The following APP variants were observed in gnomAD, a reference collection of about 807,000 sequenced individuals.
APP encodes amyloid beta precursor protein.
A neutral mutation model predicts 101.4 loss-of-function variants in APP; 31 were observed. The observed-to-expected ratio is 0.31, with a 90% CI of 0.23 to 0.41. The LOEUF is 0.41. Among genes scored for constraint, APP ranks in the 10% least tolerant of loss-of-function variants. APP has a pLI of 1.00. For missense variants in APP, 839 were observed against 1,003.7 expected, an observed-to-expected ratio of 0.84 and a Z score of 2.22; for synonymous variants, 366 against 364.4, an observed-to-expected ratio of 1.00 and a Z score of -0.05.
At chr21:26,151,092 T>C (rs573424087) in intron 1 of APP, among the ~76,000 whole-genome samples, 18 of 152,318 alleles carry the variant, frequency 1.2e-4, no homozygotes, top group African/African-American at 4.1e-4. Flanking sequence ...TTTGTTAAAT[T>C]TGAAGATAAA....
chr21:25,959,123 T>C (rs2041464125), intron 11 of APP, among the ~76,000 whole-genome samples: 1 of 152,182 alleles, frequency 6.6e-6, no homozygotes, highest in Non-Finnish European at 1.5e-5. Flanking sequence ...TTAAGATAGT[T>C]CTACAAAGCA....
chr21:26,154,702 G>A (rs576669115), intron 1 of APP, among the ~76,000 whole-genome samples: 2 of 152,272 alleles, frequency 1.3e-5, no homozygotes, highest in African/African-American at 4.8e-5. Context: ...TAGAGAACAG[G>A]GACTGGGCTC....
rs544628232 is a variant in APP, at chr21:25,900,266, C to A, written c.1964-2593G>T. Among the ~76,000 whole-genome samples, 12 of 150,922 alleles carry A rather than the reference C, an allele frequency of 8.0e-5. No individual in the cohort carries two copies. The South Asian group carries it at 2.5e-3, about 32-fold the overall frequency. ...TCTGGCAACGTGCCAAGCACGGTGG[C>A]TCACGCCTGTAATCCCAGCACTTTG... On this transcript the variant is annotated intron_variant, in intron 15 of 17. Transcript: ENST00000346798.
At chr21:26,099,073 G>T (rs1437007084) in intron 2 of APP, among the ~76,000 whole-genome samples, 1 of 151,598 alleles carries the variant, frequency 6.6e-6, no homozygotes, top group African/African-American at 2.4e-5. Flanking sequence ...ACATATGCTT[G>T]TAATTTTGCA....
At chr21:26,021,404 C>T (rs1010230519) in intron 6 of APP, among the ~76,000 whole-genome samples, 9 of 152,036 alleles carry the variant, frequency 5.9e-5, no homozygotes, top group African/African-American at 1.2e-4. Flanking sequence ...TAAGATTTAT[C>T]GAAACTACAA....
At chr21:25,987,342 A>G (rs2146621506) in intron 8 of APP, among the ~76,000 whole-genome samples, 1 of 152,250 alleles carries the variant, frequency 6.6e-6, no homozygotes, top group African/African-American at 2.4e-5. Flanking sequence ...AAAAACCTAG[A>G]CTTAAAACGA....
At chr21:26,017,365 C>T (rs574549774) in intron 6 of APP, among the ~76,000 whole-genome samples, 1 of 137,226 alleles carries the variant, frequency 7.3e-6, no homozygotes, top group Non-Finnish European at 1.5e-5. Context: ...GGTTTGAACT[C>T]AGGAGTTTGA....
At chr21:26,109,315 G>A (rs1256383100) in intron 2 of APP, among the ~76,000 whole-genome samples, 1 of 152,210 alleles carries the variant, frequency 6.6e-6, no homozygotes, top group Non-Finnish European at 1.5e-5. Flanking sequence ...GGATCATGGG[G>A]GTGGTTTCAA....
At chr21:26,136,312 C>A (rs754185094) in intron 1 of APP, among the ~76,000 whole-genome samples, 1 of 151,994 alleles carries the variant, frequency 6.6e-6, no homozygotes, top group South Asian at 2.1e-4. Context: ...GGCACGCACA[C>A]GATGGACAAT....
intron 1 of APP, among the ~76,000 whole-genome samples, chr21:26,145,092 T>A (rs1012383291): frequency 6.6e-5 from 10 of 152,078 alleles, no homozygotes; most frequent in African/African-American, 2.4e-4. Flanking sequence ...ATTAGAGATG[T>A]TTTACGTGGA....
intron 2 of APP, among the ~76,000 whole-genome samples, chr21:26,105,036 A>C (rs1194258893): frequency 1.3e-5 from 2 of 150,024 alleles, no homozygotes; most frequent in Non-Finnish European, 3.0e-5. Flanking sequence ...TAGCTCTGTC[A>C]ATGGTAACTA....
intron 1 of APP, among the ~76,000 whole-genome samples, chr21:26,129,332 G>C (rs1040145668): frequency 6.6e-6 from 1 of 152,006 alleles, no homozygotes; most frequent in Admixed American, 6.6e-5. Flanking sequence ...TTAGCCATGC[G>C]TGGTGGCAGC....
rs190820874 is a variant in APP at position 26,087,620 on chromosome 21, T to G, written c.355+2323A>C. 2.0e-5 allele frequency among the ~76,000 whole-genome samples: 3 copies of G among 152,336 alleles called. No homozygotes were observed. The East Asian group carries it at 5.8e-4, about 29-fold the overall frequency. On this transcript the variant is annotated intron_variant, in intron 3 of 17. Transcript: ENST00000346798. ...AACTCCTTCCCTGAGAAAGAATTAT[T>G]TTATAGGCTTCTCTCCATTTCTCCT...
chr21:25,948,815 A>G (rs1246736004), intron 13 of APP, among the ~76,000 whole-genome samples: 1 of 151,828 alleles, frequency 6.6e-6, no homozygotes, highest in African/African-American at 2.4e-5. Context: ...AAGGACAAAG[A>G]AAACACCAAT....
intron 1 of APP, among the ~76,000 whole-genome samples, chr21:26,122,208 T>TCAGG (rs2062588658): frequency 6.6e-6 from 1 of 152,194 alleles, no homozygotes; most frequent in Non-Finnish European, 1.5e-5. Flanking sequence ...AGAGGGCAAT[T>TCAGG]CAGGCTAGGA....
intron 8 of APP, among the ~76,000 whole-genome samples, chr21:25,986,632 G>A (rs548891426): frequency 1.2e-4 from 18 of 152,228 alleles, no homozygotes; most frequent in African/African-American, 3.6e-4. Flanking sequence ...CCTGGGAGGC[G>A]GAGGTTGCGG....
intron 5 of APP, among the ~76,000 whole-genome samples, chr21:26,034,633 C>T (rs1411150705): frequency 3.8e-5 from 3 of 79,488 alleles, no homozygotes; most frequent in Non-Finnish European, 5.3e-5. Flanking sequence ...CAGAGCAAGA[C>T]TTCTCAAAAA....
chr21:25,888,870 T>C (rs1323553080), intron 17 of APP, among the ~76,000 whole-genome samples: 1 of 152,236 alleles, frequency 6.6e-6, no homozygotes, highest in Non-Finnish European at 1.5e-5. Context: ...CCCTGAGGCT[T>C]GCGCGGAGAA....
intron 13 of APP, chr21:25,946,060 C>A (rs2040807378): frequency 3.0e-6 from 1 of 329,540 alleles, no homozygotes; most frequent in Admixed American, 4.3e-5. Context: ...CTCTACCTCA[C>A]ACCATATATG....
Sources: allele counts gnomAD v4.1 joint callset (sites outside exome capture counted in the v4.1 genomes callset), GRCh38; gene constraint gnomAD v4.1.1; transcripts MANE v1.5; gene names NCBI Gene and HGNC (gene_info 2026-07-23, HGNC 2026-07-21).